Variants in ANKRD6 observed in about 807,000 individuals in gnomAD.
ANKRD6 encodes the protein ankyrin repeat domain-containing protein 6.
Under a neutral mutation model 82.3 loss-of-function variants are expected in ANKRD6, and 56 were observed. The observed-to-expected ratio is 0.68, with a 90% CI of 0.55 to 0.85. The LOEUF is 0.85. ANKRD6 is among the 40% of genes least tolerant of loss of function. The pLI, the probability that ANKRD6 is intolerant of heterozygous loss-of-function variation, is 0.00. For missense variants in ANKRD6, 852 were observed against 907.6 expected (o/e 0.94, Z 0.79); for synonymous variants, 347 against 352.1 (o/e 0.99, Z 0.16).
chr6:89,506,861 T>C (rs1044735201), intron 1 of ANKRD6, among the ~76,000 whole-genome samples: 13 of 152,244 alleles, frequency 8.5e-5, no homozygotes, highest in Non-Finnish European at 1.8e-4. Context: ...TAGGAGGCAG[T>C]TGAGGTGAGA....
chr6:89,453,609 T>A (rs1235471714), intron 1 of ANKRD6, among the ~76,000 whole-genome samples: 1 of 152,050 alleles, frequency 6.6e-6, no homozygotes, highest in Admixed American at 6.5e-5. Context: ...AGATGGAGTC[T>A]CACTCTGTCG....
chr6:89,439,255 C>G (rs895580129), intron 1 of ANKRD6, among the ~76,000 whole-genome samples: 4 of 152,176 alleles, frequency 2.6e-5, no homozygotes, highest in Admixed American at 2.0e-4. Flanking sequence ...ATATGCATGT[C>G]TTAATGGCTT....
chr6:89,505,929 A>C (rs1289123767), intron 1 of ANKRD6, among the ~76,000 whole-genome samples: 1 of 152,220 alleles, frequency 6.6e-6, no homozygotes, highest in Non-Finnish European at 1.5e-5. Flanking sequence ...GTGAACCTGC[A>C]AGATGTTATA....
chr6:89,441,620 C>CTTTTTT lies in ANKRD6; in HGVS notation c.-144+8267_-144+8272dup, dbSNP rs71556522. Reference sequence around the variant, plus strand: ...CATAGCCTTGGTTTTCTTTTCTTTCCTTTTTTTTTTTTTTTTTTTTTTTTT... The same window carrying CTTTTTT: ...CATAGCCTTGGTTTTCTTTTCTTTCCTTTTTTTTTTTTTTTTTTTTTTTTTTTTTTT... On this transcript the variant is annotated intron_variant, in intron 1 of 15. Transcript: ENST00000339746. Among the ~76,000 whole-genome samples, 9 of 80,458 alleles carry CTTTTTT rather than the reference C, an allele frequency of 1.1e-4. 1 individual carries two copies. Among genetic ancestry groups the CTTTTTT allele is most frequent in the African/African-American group, 1.5e-4 (3 of 19,490 alleles). 52.8% of individuals were successfully genotyped at this position (80,458 alleles called of 152,430 possible).
At chr6:89,626,160 C>A (rs1805611265) in intron 13 of ANKRD6, among the ~76,000 whole-genome samples, 1 of 152,034 alleles carries the variant, frequency 6.6e-6, no homozygotes, top group African/African-American at 2.4e-5. Flanking sequence ...TATAGAAAGG[C>A]CATTTTAAAA....
Position 89,629,012 on chromosome 6 carries a change from AT to A in ANKRD6, c.1486-98del, listed in dbSNP as rs548860095. 6 of 1,342,236 alleles carry A rather than the reference AT, an allele frequency of 4.5e-6. No individual in the cohort carries two copies. The South Asian group carries it at 8.5e-5, about 19-fold the overall frequency. 83.1% of individuals were successfully genotyped at this position (1,342,236 alleles called of 1,614,324 possible). On this transcript the variant is annotated intron_variant, in intron 14 of 15. Transcript: ENST00000339746. ...TTAGATGGTATCCTCAACTGTTATA[AT>A]TGAAAAGTCCATCCTTGATGCTTTA...
intron 1 of ANKRD6, among the ~76,000 whole-genome samples, chr6:89,517,181 T>C (rs1781334669): frequency 6.6e-6 from 1 of 152,214 alleles, no homozygotes; most frequent in African/African-American, 2.4e-5. Flanking sequence ...GATTGCTGTT[T>C]TAAGCCACCA....
chr6:89,514,079 C>T (rs1780905325), intron 1 of ANKRD6, among the ~76,000 whole-genome samples: 1 of 152,290 alleles, frequency 6.6e-6, no homozygotes, highest in South Asian at 2.1e-4. Flanking sequence ...CGTAAGCTTT[C>T]TTAAAACATT....
intron 2 of ANKRD6, among the ~76,000 whole-genome samples, chr6:89,578,289 T>C (rs1442216605): frequency 0.012 from 81 of 6,794 alleles, 3 homozygotes; most frequent in African/African-American, 0.023. Context: ...CCGCCTCCTT[T>C]TTTTTTTTTT....
intron 1 of ANKRD6, among the ~76,000 whole-genome samples, chr6:89,556,659 C>G (rs1786645811): frequency 6.6e-6 from 1 of 152,202 alleles, no homozygotes; most frequent in South Asian, 2.1e-4. Flanking sequence ...ATGATGACAA[C>G]TTAAGGCAGT....
intron 7 of ANKRD6, 117 bp from the exon 8 acceptor site, chr6:89,616,442 A>C: frequency 1.1e-6 from 1 of 878,516 alleles, no homozygotes; most frequent in Non-Finnish European, 1.8e-6. Flanking sequence ...GCCCCATTTC[A>C]GTCTCAGGCA....
At chr6:89,534,294 T>G (rs1427442259) in intron 1 of ANKRD6, among the ~76,000 whole-genome samples, 1 of 152,220 alleles carries the variant, frequency 6.6e-6, no homozygotes, top group African/African-American at 2.4e-5. Flanking sequence ...ATAAAGCTTT[T>G]CAATTAATTT....
intron 2 of ANKRD6, among the ~76,000 whole-genome samples, chr6:89,585,844 G>T (rs1583489347): frequency 6.6e-6 from 1 of 152,362 alleles, no homozygotes; most frequent in Admixed American, 6.5e-5. Flanking sequence ...GGCGGAGGTT[G>T]CAGTGAGCCG....
chr6:89,609,850 T>C (rs574473079), intron 5 of ANKRD6, among the ~76,000 whole-genome samples: 2 of 152,142 alleles, frequency 1.3e-5, no homozygotes, highest in Non-Finnish European at 2.9e-5. Context: ...GATCTTGTGA[T>C]CCACCCACCT....
At chr6:89,488,029 T>G (rs1265676845) in intron 1 of ANKRD6, among the ~76,000 whole-genome samples, 1 of 152,234 alleles carries the variant, frequency 6.6e-6, no homozygotes, top group East Asian at 1.9e-4. Context: ...CCTTTGTTAC[T>G]TGATACTAAG....
At chr6:89,611,853 A>C (rs1006163769) in intron 5 of ANKRD6, among the ~76,000 whole-genome samples, 1 of 152,242 alleles carries the variant, frequency 6.6e-6, no homozygotes, top group Non-Finnish European at 1.5e-5. Flanking sequence ...GCTATTGCCC[A>C]TGTGGGGCAG....
At chr6:89,630,059 T>C (rs1035245923) in intron 15 of ANKRD6, among the ~76,000 whole-genome samples, 3 of 152,348 alleles carry the variant, frequency 2.0e-5, no homozygotes, top group African/African-American at 7.2e-5. Context: ...CATAGATAAA[T>C]GTCCAAATCT....
intron 1 of ANKRD6, among the ~76,000 whole-genome samples, chr6:89,445,546 A>G (rs553717390): frequency 6.6e-6 from 1 of 152,150 alleles, no homozygotes; most frequent in African/African-American, 2.4e-5. Flanking sequence ...TCCTGGGTTC[A>G]AGTGGTTCCC....
rs1352075202 is a variant in ANKRD6 at position 89,624,549 on chromosome 6, A to G, written c.1229A>G (p.Asn410Ser). The G allele has an allele frequency of 6.4e-7, 1 of 1,552,698 alleles. No individual in the cohort carries two copies. The highest frequency in any genetic ancestry group is 1.4e-5 in the African/African-American group (1 of 73,198). ...TTGTTTCTCTCTTAGGCACCAATAA[A>G]TGGTTGTCGATGTGAACCTCTAATC... Reference protein sequence around the residue: ...KDGKVMQAPINGCRCEPLINK... With the variant: ...KDGKVMQAPISGCRCEPLINK... Residue 410 changes from asparagine (N) to serine (S), a missense_variant, in exon 13 of 16, where the codon AAT becomes AGT. Physicochemically the swap from Asn to Ser is conservative, Grantham distance 46 (BLOSUM62 1). Transcript: ENST00000339746.
Sources: allele counts gnomAD v4.1 joint callset (sites outside exome capture counted in the v4.1 genomes callset), GRCh38; gene constraint gnomAD v4.1.1; transcripts MANE v1.5; gene names NCBI Gene and HGNC (gene_info 2026-07-23, HGNC 2026-07-21).